The following RSRC1 variants were observed in gnomAD, a reference collection of about 807,000 sequenced individuals.
The protein encoded by RSRC1 is serine/Arginine-related protein 53.
Under a neutral mutation model 49.1 loss-of-function variants are expected in RSRC1, and 39 were observed. The observed-to-expected ratio is 0.79, with a 90% confidence interval of 0.61 to 1.04. The LOEUF (loss-of-function observed/expected upper bound fraction) is 1.04, where lower values mean the gene tolerates loss of function less well. Among genes scored for constraint, RSRC1 ranks in the 50% least tolerant of loss-of-function variants. RSRC1 has a pLI of 0.00. For synonymous variants in RSRC1, 143 were observed against 130.8 expected, an observed-to-expected ratio of 1.09 and a Z score of -0.63; for missense variants, 388 against 402.4, an observed-to-expected ratio of 0.96 and a Z score of 0.31.
intron 6 of RSRC1, among the ~76,000 whole-genome samples, chr3:158,396,040 C>G (rs1560024377): frequency 6.6e-6 from 1 of 152,034 alleles, no homozygotes; most frequent in Non-Finnish European, 1.5e-5. Flanking sequence ...TAGAGCAACA[C>G]AGTTGGAGCT....
At chr3:158,283,984 G>C (rs1201219299) in intron 4 of RSRC1, among the ~76,000 whole-genome samples, 1 of 151,360 alleles carries the variant, frequency 6.6e-6, no homozygotes, top group African/African-American at 2.4e-5. Flanking sequence ...CTGGTGTGCT[G>C]CACCCATTAA....
chr3:158,392,161 A>G (rs1437733185), intron 6 of RSRC1, among the ~76,000 whole-genome samples: 1 of 152,142 alleles, frequency 6.6e-6, no homozygotes, highest in Non-Finnish European at 1.5e-5. Flanking sequence ...GCATACCTAC[A>G]TACTATATTC....
chr3:158,342,809 A>G (rs1398108652), intron 5 of RSRC1, among the ~76,000 whole-genome samples: 1 of 152,232 alleles, frequency 6.6e-6, no homozygotes, highest in Non-Finnish European at 1.5e-5. Context: ...GACAGTGAAC[A>G]TCAAATATGA....
intron 6 of RSRC1, among the ~76,000 whole-genome samples, chr3:158,397,589 C>T (rs1733680754): frequency 6.6e-6 from 1 of 152,040 alleles, no homozygotes; most frequent in Non-Finnish European, 1.5e-5. Context: ...AAATATTTAT[C>T]ACAGCATTGT....
chr3:158,117,407 C>G (rs1394897368), intron 1 of RSRC1, among the ~76,000 whole-genome samples: 3 of 152,198 alleles, frequency 2.0e-5, no homozygotes, highest in Admixed American at 2.0e-4. Flanking sequence ...GGTGATCCTG[C>G]TGCCTCAGCC....
chr3:158,117,186 T>C (rs995331738), intron 1 of RSRC1, among the ~76,000 whole-genome samples: 1 of 152,240 alleles, frequency 6.6e-6, no homozygotes. Flanking sequence ...TTTTTATCTT[T>C]AGAAATTTCT....
intron 7 of RSRC1, among the ~76,000 whole-genome samples, chr3:158,500,994 T>C (rs1214652251): frequency 1.3e-5 from 2 of 152,164 alleles, no homozygotes; most frequent in East Asian, 1.9e-4. Flanking sequence ...TGTAGGTGTT[T>C]AGGGCTATGA....
chr3:158,225,339 A>G (rs769203289), intron 4 of RSRC1, among the ~76,000 whole-genome samples: 26 of 151,848 alleles, frequency 1.7e-4, no homozygotes, highest in Admixed American at 8.6e-4. Context: ...GTATCTCCCT[A>G]CTATGATTAA....
chr3:158,229,359 T>C (rs1245968525), intron 4 of RSRC1, among the ~76,000 whole-genome samples: 1 of 140,898 alleles, frequency 7.1e-6, no homozygotes, highest in African/African-American at 2.6e-5. Context: ...TATATACACA[T>C]ATACACACGT....
intron 3 of RSRC1, among the ~76,000 whole-genome samples, chr3:158,158,250 A>G (rs1316053844): frequency 6.6e-6 from 1 of 152,072 alleles, no homozygotes; most frequent in Non-Finnish European, 1.5e-5. Context: ...ATGTGAGTTC[A>G]CTTACAACAG....
chr3:158,343,989 G>C (rs1483571306), intron 5 of RSRC1, among the ~76,000 whole-genome samples: 1 of 152,126 alleles, frequency 6.6e-6, no homozygotes, highest in African/African-American at 2.4e-5. Context: ...AAAAAAAGAT[G>C]AATGAGGCTG....
At chr3:158,496,310 A>G (rs1205836617) in intron 7 of RSRC1, among the ~76,000 whole-genome samples, 2 of 152,170 alleles carry the variant, frequency 1.3e-5, no homozygotes, top group Non-Finnish European at 2.9e-5. Flanking sequence ...GTGTGCCTCA[A>G]AATCACCTGG....
At chr3:158,265,646 T>G (rs1333587678) in intron 4 of RSRC1, among the ~76,000 whole-genome samples, 1 of 152,044 alleles carries the variant, frequency 6.6e-6, no homozygotes, top group Non-Finnish European at 1.5e-5. Context: ...AAAAAAAATT[T>G]TACTCCAATC....
At chr3:158,531,768 A>G (rs887765104) in intron 7 of RSRC1, among the ~76,000 whole-genome samples, 1 of 151,976 alleles carries the variant, frequency 6.6e-6, no homozygotes, top group African/African-American at 2.4e-5. Context: ...GTTTTAAAAG[A>G]AACATTTAAA....
At chr3:158,290,922 G>A (rs139915257) in intron 4 of RSRC1, among the ~76,000 whole-genome samples, 93 of 152,228 alleles carry the variant, frequency 6.1e-4, no homozygotes, top group Middle Eastern at 6.8e-3. Context: ...GGCCAGGTGC[G>A]GTGGCTCACA....
At position 158,397,109 on chromosome 3, in the gene RSRC1, C is replaced by T. The variant is rs1259149728; in HGVS notation, c.583+42201C>T. Among the ~76,000 whole-genome samples, 3 of 152,244 alleles carry T rather than the reference C, an allele frequency of 2.0e-5. No homozygotes were observed. The East Asian group carries it at 5.8e-4, about 29-fold the overall frequency. ...ATTAGACTTCTAATACATCTAAATTCTCTTTGAATTGATTTGCTAGTTTAT... is the reference window on the plus strand; with the variant it reads ...ATTAGACTTCTAATACATCTAAATTTTCTTTGAATTGATTTGCTAGTTTAT... On this transcript the variant is annotated intron_variant, in intron 6 of 9. Coordinates refer to ENST00000611884, the MANE Select transcript of RSRC1 (RefSeq NM_001271838.2).
chr3:158,370,765 C>T (rs1235482470), intron 6 of RSRC1, among the ~76,000 whole-genome samples: 1 of 151,664 alleles, frequency 6.6e-6, no homozygotes, highest in Non-Finnish European at 1.5e-5. Context: ...TGAGTTATTG[C>T]TTAGGATTGG....
At chr3:158,496,738 G>A in intron 7 of RSRC1, 1 of 290,488 alleles carries the variant, frequency 3.4e-6, no homozygotes, top group Non-Finnish European at 7.2e-6. Flanking sequence ...TGTCATGTTG[G>A]TGGTGGCCCT....
chr3:158,214,663 C>T (rs1353782723), intron 4 of RSRC1, among the ~76,000 whole-genome samples: 2 of 151,572 alleles, frequency 1.3e-5, no homozygotes, highest in African/African-American at 2.4e-5. Context: ...TCTAATTTTC[C>T]TTGTGATTTC....
Sources: gnomAD v4.1 joint callset for allele counts (sites outside exome capture counted in the v4.1 genomes callset) on GRCh38, gnomAD v4.1.1 for gene constraint, MANE v1.5 for transcripts, NCBI Gene and HGNC (gene_info 2026-07-23, HGNC 2026-07-21) for gene names.